ST7L: variants seen among roughly 807,000 people sequenced by gnomAD.
ST7L encodes suppressor of tumorigenicity 7 protein-like.
A neutral mutation model predicts 72.5 loss-of-function variants in ST7L; 57 were observed. That is an observed-to-expected ratio of 0.79 (90% confidence interval 0.64 to 0.98). ST7L has a LOEUF of 0.98. Among genes scored for constraint, ST7L ranks in the 50% least tolerant of loss-of-function variants. ST7L has a pLI of 0.00. For synonymous variants in ST7L, 221 were observed against 240.9 expected (o/e 0.92, Z 0.77); for missense variants, 576 against 672.2 (o/e 0.86, Z 1.58).
chr1:112,559,108 G>A (rs141276640), intron 11 of ST7L, among the ~76,000 whole-genome samples: 1,724 of 152,166 alleles, frequency 0.011, 14 homozygotes, highest in Non-Finnish European at 0.018. Context: ...TTAGAACTCC[G>A]AAGCCTTAAA....
intron 1 of ST7L, 29 bp from the exon 2 acceptor site, chr1:112,616,924 A>T: frequency 1.3e-6 from 2 of 1,519,532 alleles, no homozygotes; most frequent in Non-Finnish European, 1.8e-6. Context: ...TCAAAGTTTT[A>T]AAAAATGCAA....
At chr1:112,574,076 G>A (rs1053931144) in intron 11 of ST7L, among the ~76,000 whole-genome samples, 6 of 148,714 alleles carry the variant, frequency 4.0e-5, no homozygotes, top group Non-Finnish European at 6.0e-5. Flanking sequence ...CACCACACCC[G>A]GTTAATTTTT....
chr1:112,608,562 ACT>A (rs1668619530), intron 3 of ST7L, among the ~76,000 whole-genome samples: 1 of 152,130 alleles, frequency 6.6e-6, no homozygotes, highest in African/African-American at 2.4e-5. Flanking sequence ...GGTTATCTTC[ACT>A]CTCATTATTA....
In ST7L at chr1:112,610,956, C is replaced by T; in HGVS notation, c.336G>A (p.Glu112=). 2 of 1,614,196 alleles carry T rather than the reference C, an allele frequency of 1.2e-6. No individual in the cohort carries two copies. Among genetic ancestry groups the T allele is most frequent in the Non-Finnish European group, 1.7e-6 (2 of 1,180,036 alleles). The change falls in exon 3 of 15, where the codon GAG becomes GAA. Residue 112 remains glutamate, a synonymous_variant. Coordinates refer to ENST00000358039, the MANE Select transcript of ST7L (RefSeq NM_017744.5). ...YFHKHGTSFI[E]QVSVSHLQPL... The stretch of plus-strand genomic sequence containing the variant: ...GTTGCAAATGGCTTACAGATACTTG[C>T]TCAATAAAAGATGTGCCATGCTTAT...
intron 2 of ST7L, among the ~76,000 whole-genome samples, chr1:112,615,187 G>A (rs1196384654): frequency 6.6e-6 from 1 of 151,778 alleles, no homozygotes; most frequent in South Asian, 2.1e-4. Flanking sequence ...GAAGAGACAG[G>A]GTTTTTCCAT....
Position 112,581,395 on chromosome 1 carries a change from C to T in ST7L, c.1069+597G>A, listed in dbSNP as rs556433553. On this transcript the variant is annotated intron_variant, in intron 9 of 14. Coordinates refer to ENST00000358039, the MANE Select transcript of ST7L (RefSeq NM_017744.5). ...AACTGTAAATCCTATGAGGGCTCCCCGTCTTTTTTTTTTTTTTTTTTGAGA... is the reference window on the plus strand; with the variant it reads ...AACTGTAAATCCTATGAGGGCTCCCTGTCTTTTTTTTTTTTTTTTTTGAGA... 9.5e-5 allele frequency among the ~76,000 whole-genome samples: 13 copies of T among 137,378 alleles called. No homozygotes were observed. The East Asian group carries it at 1.4e-3, about 15-fold the overall frequency. The allele number at this position is 137,378 out of a possible 152,430, so 90.1% of individuals were successfully genotyped here. A position where few individuals can be genotyped will look rare whatever the true frequency, so the allele number is the denominator to read the frequency against.
chr1:112,569,102 G>T (rs1008812672), intron 11 of ST7L, among the ~76,000 whole-genome samples: 2 of 151,908 alleles, frequency 1.3e-5, no homozygotes, highest in Non-Finnish European at 2.9e-5. Context: ...AGAGGAACTG[G>T]AACTCACACA....
chr1:112,591,455 AGG>A, intron 6 of ST7L, 68 bp downstream of exon 6: 1 of 1,316,010 alleles, frequency 7.6e-7, no homozygotes, highest in Non-Finnish European at 1.1e-6. Flanking sequence ...GAACAGACAA[AGG>A]AGACATAAAA....
intron 14 of ST7L, among the ~76,000 whole-genome samples, chr1:112,532,538 G>A (rs1217449159): frequency 2.6e-5 from 4 of 152,154 alleles, no homozygotes. Flanking sequence ...ATCTTTCTCT[G>A]TCACATTGGT....
intron 14 of ST7L, among the ~76,000 whole-genome samples, chr1:112,537,265 C>G (rs570419832): frequency 6.6e-6 from 1 of 152,278 alleles, no homozygotes; most frequent in South Asian, 2.1e-4. Flanking sequence ...TTCCAAAGTG[C>G]TGAGATTACA....
chr1:112,613,361 T>A (rs1278293947), intron 2 of ST7L, among the ~76,000 whole-genome samples: 2 of 152,224 alleles, frequency 1.3e-5, no homozygotes, highest in Non-Finnish European at 2.9e-5. Flanking sequence ...TTAATTTTTA[T>A]AACAACTGAT....
At chr1:112,605,125 C>A (rs1446703569) in intron 3 of ST7L, among the ~76,000 whole-genome samples, 2 of 148,440 alleles carry the variant, frequency 1.3e-5, no homozygotes, top group East Asian at 3.9e-4. Context: ...GGCATGGTAG[C>A]TCACACCTAT....
intron 13 of ST7L, among the ~76,000 whole-genome samples, chr1:112,548,549 A>G (rs1445153110): frequency 6.6e-6 from 1 of 152,210 alleles, no homozygotes; most frequent in Non-Finnish European, 1.5e-5. Context: ...CTAAATTTTC[A>G]TTTATCAGTT....
chr1:112,550,411 A>G (rs971157093), intron 13 of ST7L, among the ~76,000 whole-genome samples, 190 bp downstream of exon 13: 7 of 152,190 alleles, frequency 4.6e-5, no homozygotes, highest in African/African-American at 1.2e-4. Flanking sequence ...TGTTGCATCT[A>G]GCACAGAGTT....
chr1:112,559,524 G>A (rs376240293), intron 11 of ST7L, among the ~76,000 whole-genome samples: 2 of 151,254 alleles, frequency 1.3e-5, no homozygotes, highest in South Asian at 2.1e-4. Flanking sequence ...GAGCCACCAC[G>A]CCTGGCAAAA....
chr1:112,530,509 G>A (rs1654207545), intron 14 of ST7L, among the ~76,000 whole-genome samples: 3 of 152,122 alleles, frequency 2.0e-5, no homozygotes, highest in Admixed American at 2.0e-4. Context: ...TCGCCTCCCA[G>A]GTTCAAGCAA....
chr1:112,557,978 C>T (rs1659475932), intron 11 of ST7L, among the ~76,000 whole-genome samples: 1 of 152,164 alleles, frequency 6.6e-6, no homozygotes, highest in Admixed American at 6.5e-5. Context: ...CTATAGCAAT[C>T]AAATGTACTT....
intron 13 of ST7L, 66 bp from the exon 14 acceptor site, chr1:112,542,156 T>C: frequency 7.1e-7 from 1 of 1,401,954 alleles, no homozygotes; most frequent in Non-Finnish European, 9.5e-7. Context: ...TCTTAATCTT[T>C]TCAAATGAAA....
intron 12 of ST7L, among the ~76,000 whole-genome samples, chr1:112,551,672 G>T (rs1570968521): frequency 6.6e-6 from 1 of 152,282 alleles, no homozygotes; most frequent in Middle Eastern, 3.4e-3. Flanking sequence ...TGCAGGAAAA[G>T]TTTGTCCACC....
Sources: allele counts gnomAD v4.1 joint callset (sites outside exome capture counted in the v4.1 genomes callset), GRCh38; gene constraint gnomAD v4.1.1; transcripts MANE v1.5; gene names NCBI Gene and HGNC (gene_info 2026-07-23, HGNC 2026-07-21).